Variants in KMT2C observed in about 807,000 individuals in gnomAD.
KMT2C encodes histone-lysine N-methyltransferase 2C.
KMT2C carries 88 observed loss-of-function variants against 507.9 expected under a neutral mutation model. The observed-to-expected ratio is 0.17, with a 90% CI of 0.15 to 0.21. KMT2C has a LOEUF of 0.21. Among genes scored for constraint, KMT2C ranks in the 10% least tolerant of loss-of-function variants. The pLI is 1.00. For missense variants in KMT2C, 4,954 were observed against 5,957.8 expected, an observed-to-expected ratio of 0.83 and a Z score of 5.55; for synonymous variants, 2,049 against 2,080.8, an observed-to-expected ratio of 0.98 and a Z score of 0.42.
chr7:152,419,643 T>C (rs1200814665), intron 1 of KMT2C, among the ~76,000 whole-genome samples: 1 of 152,194 alleles, frequency 6.6e-6, no homozygotes, highest in Non-Finnish European at 1.5e-5. Context: ...ACAGTTAATA[T>C]TCAAAATGCC....
intron 6 of KMT2C, among the ~76,000 whole-genome samples, chr7:152,288,841 T>A (rs141826020): frequency 6.6e-6 from 1 of 152,234 alleles, no homozygotes; most frequent in Non-Finnish European, 1.5e-5. Context: ...GACAGCAGAT[T>A]TCTCACCTGA....
intron 2 of KMT2C, among the ~76,000 whole-genome samples, chr7:152,346,104 A>G (rs1278007584): frequency 1.3e-5 from 2 of 152,218 alleles, no homozygotes; most frequent in Non-Finnish European, 2.9e-5. Context: ...AAGCAAAAAA[A>G]TGATACAATC....
intron 1 of KMT2C, among the ~76,000 whole-genome samples, chr7:152,427,283 G>T (rs962356610): frequency 6.6e-6 from 1 of 152,142 alleles, no homozygotes; most frequent in African/African-American, 2.4e-5. Flanking sequence ...AAAGTGCTGG[G>T]ATTACAGGCG....
chr7:152,152,797 C>A lies in KMT2C; in HGVS notation c.12434G>T (p.Arg4145Leu), dbSNP rs143770207. The change falls in exon 49 of 59, where the codon CGT becomes CTT. Residue 4145 changes from arginine (R) to leucine (L), a missense_variant. Arg to Leu is a moderately radical substitution (Grantham distance 102). This residue lies in a region of KMT2C where 417 missense variants were observed against 461.1 expected (regional missense o/e 0.90). Transcript: ENST00000262189. ...GLEYRQHLLL[R>L]GPPPGSANPP... Reference sequence around the variant, plus strand: ...GTTTGCAGATCCTGGCGGAGGCCCACGGAGAAGTAAATGCTGTCGATACTC... The same window carrying A: ...GTTTGCAGATCCTGGCGGAGGCCCAAGGAGAAGTAAATGCTGTCGATACTC... The A allele has an allele frequency of 1.2e-6, 2 of 1,614,136 alleles. No individual in the cohort carries two copies. The highest frequency in any genetic ancestry group is 3.3e-5 in the Admixed American group (2 of 60,018).
At chr7:152,226,084 T>C (rs2094920760) in intron 18 of KMT2C, among the ~76,000 whole-genome samples, 1 of 152,114 alleles carries the variant, frequency 6.6e-6, no homozygotes, top group South Asian at 2.1e-4. Context: ...AATCTAGCAT[T>C]GATAAAGCAG....
intron 2 of KMT2C, among the ~76,000 whole-genome samples, chr7:152,355,937 TAATGAAATC>T (rs1473807807): frequency 2.0e-5 from 3 of 152,050 alleles, no homozygotes; most frequent in Non-Finnish European, 4.4e-5. Context: ...CCCCTTATGC[TAATGAAATC>T]AATGAGATGG....
At chr7:152,271,852 C>G (rs1437923795) in intron 7 of KMT2C, among the ~76,000 whole-genome samples, 1 of 151,910 alleles carries the variant, frequency 6.6e-6, no homozygotes, top group Non-Finnish European at 1.5e-5. Context: ...CAAGTGATGT[C>G]TTGTTATTAT....
At chr7:152,141,758 C>A (rs1319390196) in intron 55 of KMT2C, among the ~76,000 whole-genome samples, 2 of 150,642 alleles carry the variant, frequency 1.3e-5, no homozygotes, top group Non-Finnish European at 2.9e-5. Flanking sequence ...GGGGCTCATG[C>A]CTGTAATCCC....
intron 1 of KMT2C, among the ~76,000 whole-genome samples, chr7:152,377,734 CAAAAA>C (rs59181675): frequency 1.6e-5 from 1 of 62,622 alleles, no homozygotes; most frequent in African/African-American, 4.8e-5. Flanking sequence ...GACTCCGTCT[CAAAAA>C]AAAAAAAAAA....
chr7:152,310,371 C>T (rs562398445), intron 5 of KMT2C, among the ~76,000 whole-genome samples: 4 of 152,224 alleles, frequency 2.6e-5, no homozygotes, highest in Admixed American at 6.5e-5. Flanking sequence ...AGGCTGGGAA[C>T]TTGAGACCAG....
intron 2 of KMT2C, among the ~76,000 whole-genome samples, chr7:152,353,758 C>A (rs1165108255): frequency 6.6e-6 from 1 of 152,150 alleles, no homozygotes; most frequent in African/African-American, 2.4e-5. Flanking sequence ...CTAGGCCTCC[C>A]AAAGGTCTAG....
chr7:152,398,291 G>A (rs1471566976), intron 1 of KMT2C, among the ~76,000 whole-genome samples: 2 of 152,150 alleles, frequency 1.3e-5, no homozygotes, highest in African/African-American at 4.8e-5. Flanking sequence ...AATTAAGCAC[G>A]TGATTCATAT....
chr7:152,153,588 A>G (rs2091819231), intron 48 of KMT2C, among the ~76,000 whole-genome samples: 1 of 152,218 alleles, frequency 6.6e-6, no homozygotes, highest in Non-Finnish European at 1.5e-5. Flanking sequence ...TGAGATGGAC[A>G]TGATGGCTCA....
Position 152,180,738 on chromosome 7 carries a change from G to C in KMT2C, c.7122C>G (p.Ala2374=). Residue 2374 remains alanine (A), a synonymous_variant, in exon 36 of 59, where the codon GCC becomes GCG. Coordinates refer to ENST00000262189, the MANE Select transcript of KMT2C (RefSeq NM_170606.3). ...GTCTCAATTTCTCTGTATCTGCTTG[G>C]GCCATATTTACAGTATTCTGTGTAT... ...VTDTQNTVNM[A]QADTEKLRQR... 1 of 1,613,384 alleles carries C rather than the reference G, an allele frequency of 6.2e-7. No homozygotes were observed. The highest frequency in any genetic ancestry group is 8.5e-7 in the Non-Finnish European group (1 of 1,179,668).
intron 1 of KMT2C, among the ~76,000 whole-genome samples, chr7:152,373,978 C>A (rs1482998915): frequency 6.6e-6 from 1 of 152,004 alleles, no homozygotes; most frequent in African/African-American, 2.4e-5. Flanking sequence ...AAGTGCTCAA[C>A]TTTACCAAGT....
chr7:152,379,516 C>T (rs113768956), intron 1 of KMT2C, among the ~76,000 whole-genome samples: 10 of 150,680 alleles, frequency 6.6e-5, no homozygotes, highest in African/African-American at 2.2e-4. Context: ...CCAGCCTAGG[C>T]GACAGAGTAA....
rs141611378 is a variant in KMT2C, at chr7:152,176,479, C to T, written c.8974G>A (p.Gly2992Arg). The T allele has an allele frequency of 8.4e-5, 136 of 1,614,008 alleles. No homozygotes were observed. Among genetic ancestry groups the T allele is most frequent in the Non-Finnish European group, 1.0e-4 (122 of 1,180,044 alleles). ...VFSQGVQVNPGLIPGQSTVNH... is the reference protein window; with the variant it reads ...VFSQGVQVNPRLIPGQSTVNH... ...ACTGTTGATTGACCTGGAATGAGCC[C>T]TGGGTTTACCTGCACACCCTGAGAA... The change falls in exon 38 of 59, where the codon GGG becomes AGG. Residue 2992 changes from glycine (G) to arginine (R), a missense_variant. Physicochemically the swap from Gly to Arg is moderately radical, Grantham distance 125. Around this residue, in one of 29 missense-constraint regions of KMT2C, gnomAD observed 1,689 missense variants for 1,654.3 expected, o/e 1.02. Transcript: ENST00000262189.
intron 44 of KMT2C, 96 bp downstream of exon 44, chr7:152,158,767 A>T: frequency 1.8e-6 from 2 of 1,110,268 alleles, no homozygotes; most frequent in Non-Finnish European, 1.4e-6. Context: ...CACCTGCCTC[A>T]GCCTCCCAAA....
intron 42 of KMT2C, among the ~76,000 whole-genome samples, chr7:152,164,073 T>C (rs1252707545): frequency 6.6e-6 from 1 of 152,162 alleles, no homozygotes; most frequent in African/African-American, 2.4e-5. Flanking sequence ...ACATATGAAA[T>C]ATCAAAAACG....
Sources: gnomAD v4.1 joint callset for allele counts (sites outside exome capture counted in the v4.1 genomes callset) on GRCh38, gnomAD v4.1.1 for gene constraint, gnomAD v4.1.1 regional missense constraint, MANE v1.5 for transcripts, NCBI Gene and HGNC (gene_info 2026-07-23, HGNC 2026-07-21) for gene names.